The following ANKS6 variants were observed in gnomAD, a reference collection of about 807,000 sequenced individuals.
ANKS6 encodes ankyrin repeat and sterile alpha motif domain containing 6.
Under a neutral mutation model 77.9 loss-of-function variants are expected in ANKS6, and 47 were observed. The ratio of observed to expected loss-of-function variants is 0.60; its 90% CI spans 0.48 to 0.77. The LOEUF (loss-of-function observed/expected upper bound fraction) is 0.77, where lower values mean the gene tolerates loss of function less well. Among genes scored for constraint, ANKS6 ranks in the 30% least tolerant of loss-of-function variants. The probability of loss-of-function intolerance (pLI) is 0.00; values close to 1 mark genes in which losing one functional copy is unlikely to be tolerated. For synonymous variants in ANKS6, 488 were observed against 501.7 expected (o/e 0.97, Z 0.37); for missense variants, 1,150 against 1,159.1 (o/e 0.99, Z 0.11).
In ANKS6 at chr9:98,761,394, C is replaced by T. The variant is rs534604357; in HGVS notation, c.2143-4791G>A. Reference sequence around the variant, plus strand: ...AAGCAATATTCCCATCTCAGCCTCCCGAGTAGTTGGGACCACAGATATGAG... The same window carrying T: ...AAGCAATATTCCCATCTCAGCCTCCTGAGTAGTTGGGACCACAGATATGAG... On this transcript the variant is annotated intron_variant, in intron 11 of 14. Transcript: ENST00000353234. Among the ~76,000 whole-genome samples, 7 of 152,262 alleles carry T rather than the reference C, an allele frequency of 4.6e-5. No individual in the cohort carries two copies. The East Asian group carries it at 7.7e-4, about 17-fold the overall frequency.
Position 98,796,357 on chromosome 9 carries a change from C to G in ANKS6, c.135G>C (p.Ala45=). ...CCTCGGCCCCCGCCGGCTCCGCGCC[C>G]GCCTCCGGCTCCGCGCCGCGCTCGG... ...EPAERGAEPE[A]GAEPAGAEVA... is the part of the protein sequence containing the mutation. Residue 45 remains alanine (A), a synonymous_variant, in exon 1 of 15, where the codon GCG becomes GCC. Coordinates refer to ENST00000353234, the MANE Select transcript of ANKS6 (RefSeq NM_173551.5). 8.9e-7 allele frequency: 1 copy of G among 1,124,270 alleles called. No homozygotes were observed. The highest frequency in any genetic ancestry group is 1.1e-6 in the Non-Finnish European group (1 of 920,410). The allele number at this position is 1,124,270 out of a possible 1,614,324, so 69.6% of individuals were successfully genotyped here. A position where few individuals can be genotyped will look rare whatever the true frequency, so the allele number is the denominator to read the frequency against.
chr9:98,777,658 T>C (rs1320656692), intron 7 of ANKS6, among the ~76,000 whole-genome samples: 2 of 152,198 alleles, frequency 1.3e-5, no homozygotes, highest in Non-Finnish European at 2.9e-5. Flanking sequence ...CATAAACCAC[T>C]GCCGTACTGA....
In ANKS6 at chr9:98,735,543, C is replaced by A. The variant is rs1831452392; in HGVS notation, c.*976G>T. ...ATGTAGACAAAATTCCAAATTTTCACTTCTTTGCCTAGAAACTTTGAGCAC... is the reference window on the plus strand; with the variant it reads ...ATGTAGACAAAATTCCAAATTTTCAATTCTTTGCCTAGAAACTTTGAGCAC... On this transcript the variant is annotated 3_prime_UTR_variant, in exon 15 of 15. Coordinates refer to ENST00000353234, the MANE Select transcript of ANKS6 (RefSeq NM_173551.5). The A allele has an allele frequency of 4.1e-6, 5 of 1,230,286 alleles. No individual in the cohort carries two copies. The South Asian group carries it at 2.1e-4, about 52-fold the overall frequency. 76.2% of individuals were successfully genotyped at this position (1,230,286 alleles called of 1,614,324 possible).
intron 10 of ANKS6, among the ~76,000 whole-genome samples, chr9:98,770,111 A>C (rs117847368): frequency 0.013 from 1,978 of 152,220 alleles, 21 homozygotes; most frequent in Non-Finnish European, 0.019. Flanking sequence ...TGATGGAGGT[A>C]ATTGAATCAT....
At position 98,744,277 on chromosome 9, in the gene ANKS6, C is replaced by T. The variant is rs117248430; in HGVS notation, c.2511+1282G>A. Among the ~76,000 whole-genome samples the T allele has an allele frequency of 7.5e-3, 1,145 of 152,270 alleles. 6 individuals carry two copies. Among genetic ancestry groups the T allele is most frequent in the Non-Finnish European group, 0.011 (750 of 68,020 alleles). On this transcript the variant is annotated intron_variant, in intron 14 of 14. Transcript: ENST00000353234. The stretch of plus-strand genomic sequence containing the variant: ...GCCTTCAGGCAGGTAATAAGAATGA[C>T]GACAGTGACAACAAAAACCACCACC...
chr9:98,751,121 A>C (rs764730436), intron 12 of ANKS6, 25 bp from the exon 13 acceptor site: 98 of 1,574,708 alleles, frequency 6.2e-5, no homozygotes, highest in Non-Finnish European at 8.1e-5. Context: ...GGTGAAAAAA[A>C]AACAACACAT....
chr9:98,732,698 A>C lies in ANKS6; in HGVS notation c.*3821T>G, dbSNP rs1289280082. The C allele has an allele frequency of 2.1e-5, 31 of 1,460,978 alleles. No homozygotes were observed. Among genetic ancestry groups the C allele is most frequent in the Non-Finnish European group, 2.6e-5 (29 of 1,111,320 alleles). 90.5% of individuals were successfully genotyped at this position (1,460,978 alleles called of 1,614,324 possible). On this transcript the variant is annotated 3_prime_UTR_variant, in exon 15 of 15. Transcript: ENST00000353234. The stretch of plus-strand genomic sequence containing the variant: ...CACTTTCACATGATCCCTGGGGGCT[A>C]CTATCCCCCTGTAACCAAAAGGGAA...
chr9:98,775,178 A>C (rs7867234), intron 8 of ANKS6, among the ~76,000 whole-genome samples: 146,314 of 152,360 alleles, frequency 0.96, 70,505 homozygotes, highest in African/African-American at 0.99. Context: ...ACAAAAGGGT[A>C]TTTTCCCTCC....
At chr9:98,745,700 A>G (rs370472210) in intron 13 of ANKS6, 25 bp from the exon 14 acceptor site, 112 of 1,575,934 alleles carry the variant, frequency 7.1e-5, no homozygotes, top group Non-Finnish European at 8.8e-5. Context: ...GGGATTTGCC[A>G]CCATCTGCTG....
chr9:98,762,569 A>G (rs1833072992), intron 11 of ANKS6, among the ~76,000 whole-genome samples: 1 of 152,094 alleles, frequency 6.6e-6, no homozygotes, highest in African/African-American at 2.4e-5. Flanking sequence ...CAGATTCAGG[A>G]GGTTTCCCTC....
intron 1 of ANKS6, among the ~76,000 whole-genome samples, chr9:98,793,791 C>T (rs1484568373): frequency 6.6e-6 from 1 of 151,318 alleles, no homozygotes; most frequent in Non-Finnish European, 1.5e-5. Context: ...CCTCGGCCTC[C>T]CAAAGTGCTG....
chr9:98,790,260 C>G lies in ANKS6; in HGVS notation c.706G>C (p.Gly236Arg), dbSNP rs1247883471. 2.5e-6 allele frequency: 4 copies of G among 1,605,346 alleles called. No individual in the cohort carries two copies. Among genetic ancestry groups the G allele is most frequent in the Non-Finnish European group, 3.4e-6 (4 of 1,174,182 alleles). Residue 236 changes from glycine to arginine, a missense_variant, in exon 2 of 15, where the codon GGG becomes CGG. Physicochemically the swap from Gly to Arg is moderately radical, Grantham distance 125. Coordinates refer to ENST00000353234, the MANE Select transcript of ANKS6 (RefSeq NM_173551.5). ...WSPLMLAALT[G>R]RLGVAQQLVE... Reference sequence around the variant, plus strand: ...AGCTGCTGGGCCACTCCAAGCCGCCCAGTGAGTGCGGCCAGCATCAGCGGG... The same window carrying G: ...AGCTGCTGGGCCACTCCAAGCCGCCGAGTGAGTGCGGCCAGCATCAGCGGG...
chr9:98,745,627 G>A lies in ANKS6; in HGVS notation c.2443C>T (p.Leu815=). Residue 815 remains leucine, a synonymous_variant, in exon 14 of 15, where the codon CTG becomes TTG. Coordinates refer to ENST00000353234, the MANE Select transcript of ANKS6 (RefSeq NM_173551.5). ...LTLTDGDLKE[L]GIKTDGSRQQ... ...CTGGACCCATCTGTCTTAATTCCCA[G>A]CTCCTTCAAGTCACCGTCAGTCAGT... is the stretch of plus-strand genomic sequence containing the variant. The A allele has an allele frequency of 6.2e-7, 1 of 1,614,184 alleles. No homozygotes were observed. Among genetic ancestry groups the A allele is most frequent in the Non-Finnish European group, 8.5e-7 (1 of 1,180,040 alleles).
At chr9:98,740,403 C>G (rs978533982) in intron 14 of ANKS6, among the ~76,000 whole-genome samples, 2 of 152,332 alleles carry the variant, frequency 1.3e-5, no homozygotes, top group South Asian at 2.1e-4. Context: ...GGAATCCCCA[C>G]TCTACCACTG....
Position 98,733,358 on chromosome 9 carries a change from G to C in ANKS6, c.*3161C>G. On this transcript the variant is annotated 3_prime_UTR_variant, in exon 15 of 15. Transcript: ENST00000353234. ...CAGCAAGACACTGCCTGGGTGCTGGGAAACAATGCCCTCCACCCTGCAGGA... is the reference window on the plus strand; with the variant it reads ...CAGCAAGACACTGCCTGGGTGCTGGCAAACAATGCCCTCCACCCTGCAGGA... 1.0e-6 allele frequency: 1 copy of C among 985,474 alleles called. No individual in the cohort carries two copies. The highest frequency in any genetic ancestry group is 1.2e-6 in the Non-Finnish European group (1 of 829,976). The allele number at this position is 985,474 out of a possible 1,614,324, so 61.0% of individuals were successfully genotyped here.
At chr9:98,747,798 C>A (rs971462461) in intron 13 of ANKS6, among the ~76,000 whole-genome samples, 1 of 152,210 alleles carries the variant, frequency 6.6e-6, no homozygotes, top group African/African-American at 2.4e-5. Flanking sequence ...CACCTCCACA[C>A]CAGAGGTAAC....
chr9:98,775,289 T>C (rs1554744943), intron 8 of ANKS6, among the ~76,000 whole-genome samples: 1 of 152,150 alleles, frequency 6.6e-6, no homozygotes, highest in Non-Finnish European at 1.5e-5. Context: ...CCTGAGCAAA[T>C]AATCAGGCAA....
At chr9:98,750,780 G>A (rs1832386058) in intron 13 of ANKS6, among the ~76,000 whole-genome samples, 1 of 152,150 alleles carries the variant, frequency 6.6e-6, no homozygotes, top group Non-Finnish European at 1.5e-5. Flanking sequence ...ATGTTTTCAG[G>A]AGAGGAAGAA....
chr9:98,762,959 C>T (rs998725484), intron 11 of ANKS6, among the ~76,000 whole-genome samples: 4 of 151,932 alleles, frequency 2.6e-5, no homozygotes, highest in African/African-American at 9.7e-5. Context: ...ACATGCAATC[C>T]TAAATGTGTA....
Sources: gnomAD v4.1 joint callset for allele counts (sites outside exome capture counted in the v4.1 genomes callset) on GRCh38, gnomAD v4.1.1 for gene constraint, MANE v1.5 for transcripts, NCBI Gene and HGNC (gene_info 2026-07-23, HGNC 2026-07-21) for gene names.